TASL: variants seen among roughly 807,000 people sequenced by gnomAD.
TASL encodes the protein TLR adapter interacting with SLC15A4 on the lysosome.
A neutral mutation model predicts 12.9 loss-of-function variants in TASL; 6 were observed. That is an observed-to-expected ratio of 0.46 (90% CI 0.25 to 0.92). The LOEUF (loss-of-function observed/expected upper bound fraction) is 0.92, where lower values mean the gene tolerates loss of function less well. Ranked by LOEUF, TASL falls within the 40% of genes least tolerant of loss-of-function variation. The pLI is 0.17. For synonymous variants in TASL, 85 were observed against 79.3 expected (o/e 1.07, Z -0.38); for missense variants, 165 against 212.8 (o/e 0.78, Z 1.40).
In TASL at chrX:30,560,190, C is replaced by T. The variant is rs768160860; in HGVS notation, c.166G>A (p.Val56Met). Residue 56 changes from valine to methionine, a missense_variant, in exon 3 of 3, where the codon GTG (valine) becomes ATG (methionine). Coordinates refer to ENST00000378962, the MANE Select transcript of TASL (RefSeq NM_025159.3). ...VDETQVRSLYVSCKSSGKFIS... is the reference protein window; with the variant it reads ...VDETQVRSLYMSCKSSGKFIS... ...AACTTGCCAGATGATTTGCAGCTCA[C>T]GTAGAGACTTCTGACTTGTGTTTCA... is the stretch of plus-strand genomic sequence containing the variant. 76 of 1,209,230 alleles carry T rather than the reference C, an allele frequency of 6.3e-5. No individual in the cohort carries two copies. The highest frequency in any genetic ancestry group is 4.1e-4 in the South Asian group (23 of 56,719).
intron 2 of TASL, among the ~76,000 whole-genome samples, chrX:30,567,991 C>T (rs1167440179): frequency 8.9e-6 from 1 of 111,931 alleles, no homozygotes; most frequent in Admixed American, 9.4e-5. Context: ...AATCCCAGCA[C>T]TTTGGGAGGC....
Position 30,559,210 on chromosome X carries a change from TG to T in TASL, c.*239del. The T allele has an allele frequency of 3.5e-6, 1 of 286,954 alleles. No individual in the cohort carries two copies. Among genetic ancestry groups the T allele is most frequent in the East Asian group, 5.1e-5 (1 of 19,642 alleles). 23.6% of individuals were successfully genotyped at this position (286,954 alleles called of 1,213,427 possible). On this transcript the variant is annotated 3_prime_UTR_variant, in exon 3 of 3. Transcript: ENST00000378962. ...TTTCTTTTTTGATCATTTTTATTTTTGCTTCCTTGCTGTACACACCTCTCTT... is the reference window on the plus strand; with the variant it reads ...TTTCTTTTTTGATCATTTTTATTTTTCTTCCTTGCTGTACACACCTCTCTT...
Position 30,559,159 on chromosome X carries a change from C to T in TASL, c.*291G>A. 1 of 215,014 alleles carries T rather than the reference C, an allele frequency of 4.7e-6. No homozygotes were observed. Among genetic ancestry groups the T allele is most frequent in the Non-Finnish European group, 8.4e-6 (1 of 118,917 alleles). 17.7% of individuals were successfully genotyped at this position (215,014 alleles called of 1,213,427 possible). A position where few individuals can be genotyped will look rare whatever the true frequency, so the allele number is the denominator to read the frequency against. ...ATTTGACTGTCTTCTTTTTTAATTC[C>T]TATGTTTCTTCAAATGAATTAACCG... On this transcript the variant is annotated 3_prime_UTR_variant, in exon 3 of 3. Transcript: ENST00000378962.
chrX:30,565,990 C>T (rs1029378489), intron 2 of TASL, among the ~76,000 whole-genome samples: 13 of 108,756 alleles, frequency 1.2e-4, no homozygotes, highest in Non-Finnish European at 2.5e-4. Flanking sequence ...AGGCTGGTCT[C>T]GAACTCCTGA....
chrX:30,576,779 T>C lies in TASL; in HGVS notation c.-29A>G, dbSNP rs1930712317. 8.9e-6 allele frequency: 1 copy of C among 112,033 alleles called. No homozygotes were observed. The highest frequency in any genetic ancestry group is 9.5e-5 in the Admixed American group (1 of 10,532). 9.2% of individuals were successfully genotyped at this position (112,033 alleles called of 1,213,427 possible). Reference sequence around the variant, plus strand: ...TTGAATATCTCCAAAATTCCACTTATGATATGGATGTTTGACACAGACTTC... The same window carrying C: ...TTGAATATCTCCAAAATTCCACTTACGATATGGATGTTTGACACAGACTTC... On this transcript the variant is annotated 5_prime_UTR_variant, in exon 2 of 3. Coordinates refer to ENST00000378962, the MANE Select transcript of TASL (RefSeq NM_025159.3).
At chrX:30,560,413 T>C in intron 2 of TASL, 57 bp from the exon 3 acceptor site, 6 of 875,707 alleles carry the variant, frequency 6.9e-6, no homozygotes, top group Non-Finnish European at 9.5e-6. Flanking sequence ...ATTTTAGAAG[T>C]TGGCACTTGA....
intron 2 of TASL, among the ~76,000 whole-genome samples, chrX:30,575,101 C>T (rs1930687520): frequency 9.0e-6 from 1 of 111,289 alleles, no homozygotes; most frequent in Admixed American, 9.6e-5. Context: ...TTAATGCCTG[C>T]AAAACTCAAA....
chrX:30,563,126 G>A (rs768655451), intron 2 of TASL, among the ~76,000 whole-genome samples: 6 of 111,525 alleles, frequency 5.4e-5, no homozygotes, highest in South Asian at 3.8e-4. Context: ...CCCACGTGTC[G>A]TGGGAGGGAC....
intron 2 of TASL, among the ~76,000 whole-genome samples, chrX:30,561,429 A>G (rs1412795250): frequency 9.0e-6 from 1 of 111,563 alleles, no homozygotes; most frequent in East Asian, 2.8e-4. Flanking sequence ...CTAAAAACAG[A>G]ACACACTGGC....
chrX:30,562,429 G>T (rs1328440554), intron 2 of TASL, among the ~76,000 whole-genome samples: 1 of 111,372 alleles, frequency 9.0e-6, no homozygotes, highest in East Asian at 2.8e-4. Flanking sequence ...CCAGCATGAG[G>T]CTGCCTCATC....
chrX:30,569,547 C>T (rs751660764), intron 2 of TASL, among the ~76,000 whole-genome samples: 22 of 111,604 alleles, frequency 2.0e-4, no homozygotes, highest in African/African-American at 7.2e-4. Context: ...AGTGAAGTCA[C>T]CTTCCACTTG....
At position 30,570,263 on chromosome X, in the gene TASL, T is replaced by C. The variant is rs184199922; in HGVS notation, c.-2+6489A>G. Among the ~76,000 whole-genome samples the C allele has an allele frequency of 4.3e-3, 466 of 107,636 alleles. 1 individual carries two copies. The highest frequency in any genetic ancestry group is 0.014 in the African/African-American group (394 of 28,857). 93.5% of individuals were successfully genotyped at this position (107,636 alleles called of 115,157 possible). On this transcript the variant is annotated intron_variant, in intron 2 of 2. Coordinates refer to ENST00000378962, the MANE Select transcript of TASL (RefSeq NM_025159.3). ...ACACACACACACACACACACACATA[T>C]ATATGAAGAGAAAGAGAGAGAGCAC...
In TASL at chrX:30,562,381, G is replaced by A. The variant is rs770662829; in HGVS notation, c.-1-2025C>T. On this transcript the variant is annotated intron_variant, in intron 2 of 2. Transcript: ENST00000378962. ...ATCTCATGCCCGGCATGGTGCAGGAGCAGAAGGAGAGACAGCCACACAGAT... is the reference window on the plus strand; with the variant it reads ...ATCTCATGCCCGGCATGGTGCAGGAACAGAAGGAGAGACAGCCACACAGAT... 1.1e-3 allele frequency among the ~76,000 whole-genome samples: 122 copies of A among 111,846 alleles called. 2 individuals are homozygous for A. Among genetic ancestry groups the A allele is most frequent in the Non-Finnish European group, 1.4e-3 (76 of 53,156 alleles).
Position 30,559,495 on chromosome X carries a change from G to A in TASL, c.861C>T (p.Ser287=), listed in dbSNP as rs1407613029. Residue 287 remains serine (S), a synonymous_variant, in exon 3 of 3, where the codon AGC becomes AGT. Coordinates refer to ENST00000378962, the MANE Select transcript of TASL (RefSeq NM_025159.3). ...QLMSTEITEI[S]TPSLHISQYS... is the part of the protein sequence containing the mutation. ...ACTGAGAAATATGGAGACTAGGAGT[G>A]CTAATTTCAGTAATTTCAGTTGACA... is the stretch of plus-strand genomic sequence containing the variant. 4 of 1,204,224 alleles carry A rather than the reference G, an allele frequency of 3.3e-6. No individual in the cohort carries two copies. Among genetic ancestry groups the A allele is most frequent in the Non-Finnish European group, 4.5e-6 (4 of 890,585 alleles).
At chrX:30,576,411 G>A (rs1930706213) in intron 2 of TASL, among the ~76,000 whole-genome samples, 3 of 111,246 alleles carry the variant, frequency 2.7e-5, no homozygotes, top group South Asian at 7.4e-4. Flanking sequence ...GAGAGAAAAG[G>A]ACAGGCAGAG....
In TASL at chrX:30,559,538, C is replaced by T. The variant is rs745933194; in HGVS notation, c.818G>A (p.Ser273Asn). 8.3e-7 allele frequency: 1 copy of T among 1,208,151 alleles called. No homozygotes were observed. Among genetic ancestry groups the T allele is most frequent in the East Asian group, 3.0e-5 (1 of 33,846 alleles). The change falls in exon 3 of 3, where the codon AGC becomes AAC. Residue 273 changes from serine (S) to asparagine (N), a missense_variant. Coordinates refer to ENST00000378962, the MANE Select transcript of TASL (RefSeq NM_025159.3). The part of the protein sequence containing the change: ...ETSKARDIVF[S>N]RLLQLMSTEI... ...AGTTGACATCAATTGCAATAGGCGG[C>T]TAAAGACTATATCTCTGGCTTTTGA...
At chrX:30,573,167 AAGGCCACAC>A (rs1260481162) in intron 2 of TASL, among the ~76,000 whole-genome samples, 4 of 112,506 alleles carry the variant, frequency 3.6e-5, no homozygotes. Context: ...TACCCCTTCC[AAGGCCACAC>A]AGCTACTAAG....
intron 2 of TASL, among the ~76,000 whole-genome samples, chrX:30,564,913 TC>T (rs1930477909): frequency 9.0e-6 from 1 of 111,665 alleles, no homozygotes; most frequent in Non-Finnish European, 1.9e-5. Flanking sequence ...GTTGCACCTC[TC>T]CCAACAGGGT....
intron 2 of TASL, among the ~76,000 whole-genome samples, chrX:30,567,085 T>C (rs1448988172): frequency 9.1e-6 from 1 of 110,181 alleles, no homozygotes; most frequent in Non-Finnish European, 1.9e-5. Flanking sequence ...ACCCAGGAGT[T>C]TGAGACCAGC....
Sources: gnomAD v4.1 joint callset for allele counts (sites outside exome capture counted in the v4.1 genomes callset) on GRCh38, gnomAD v4.1.1 for gene constraint, MANE v1.5 for transcripts, NCBI Gene and HGNC (gene_info 2026-07-23, HGNC 2026-07-21) for gene names.